TENM2: variants seen among roughly 807,000 people sequenced by gnomAD.
TENM2 encodes teneurin-2.
TENM2 carries 52 observed loss-of-function variants against 245.2 expected under a neutral mutation model. The ratio of observed to expected loss-of-function variants is 0.21; its 90% CI spans 0.17 to 0.27. The LOEUF is 0.27. Ranked by LOEUF, TENM2 falls within the 10% of genes least tolerant of loss-of-function variation. The probability of loss-of-function intolerance (pLI) is 1.00; values close to 1 mark genes in which losing one functional copy is unlikely to be tolerated. For synonymous variants in TENM2, 1,363 were observed against 1,438.9 expected, an observed-to-expected ratio of 0.95 and a Z score of 1.19; for missense variants, 3,046 against 3,666.8, an observed-to-expected ratio of 0.83 and a Z score of 4.37.
At chr5:167,277,732 C>G in the TENM2 span, among the ~76,000 whole-genome samples, 1 of 152,078 alleles carries the variant, frequency 6.6e-6, no homozygotes. Flanking sequence ...TACAATTGTG[C>G]ATTAAAATTT....
the TENM2 span, among the ~76,000 whole-genome samples, chr5:167,053,591 C>G: frequency 2.0e-5 from 3 of 152,084 alleles, no homozygotes; most frequent in African/African-American, 7.2e-5. Flanking sequence ...TCTACTTGGG[C>G]TGGGCAGAGT....
At chr5:167,229,627 C>G in the TENM2 span, among the ~76,000 whole-genome samples, 2 of 152,118 alleles carry the variant, frequency 1.3e-5, no homozygotes, top group African/African-American at 4.8e-5. Context: ...CCTCAGAGCC[C>G]AAGGGAAGTT....
intron 3 of TENM2, among the ~76,000 whole-genome samples, chr5:167,916,862 A>T (rs1159822584): frequency 2.0e-5 from 3 of 152,204 alleles, no homozygotes; most frequent in African/African-American, 7.2e-5. Context: ...TCTGCCCTCC[A>T]CAGAACAGCA....
At chr5:167,207,211 T>C in the TENM2 span, among the ~76,000 whole-genome samples, 21 of 152,288 alleles carry the variant, frequency 1.4e-4, no homozygotes, top group East Asian at 4.1e-3. Flanking sequence ...GACTTCCCCA[T>C]GGACTGGGAA....
intron 1 of TENM2, among the ~76,000 whole-genome samples, chr5:167,348,371 G>A (rs151316197): frequency 8.8e-4 from 134 of 152,196 alleles, no homozygotes; most frequent in African/African-American, 3.1e-3. Flanking sequence ...GAAGTCAAAG[G>A]GCTAATAGAC....
intron 2 of TENM2, among the ~76,000 whole-genome samples, chr5:167,705,217 G>T (rs1758423155): frequency 6.6e-6 from 1 of 152,298 alleles, no homozygotes; most frequent in Middle Eastern, 3.4e-3. Context: ...AAATATGGTT[G>T]TCATGTTCCT....
At chr5:167,143,296 C>T in the TENM2 span, among the ~76,000 whole-genome samples, 1 of 152,210 alleles carries the variant, frequency 6.6e-6, no homozygotes, top group Admixed American at 6.5e-5. Flanking sequence ...CACAGAAACA[C>T]AAATTATGGA....
At chr5:167,168,539 GCTT>G in the TENM2 span, 1 of 152,038 alleles carries the variant, frequency 6.6e-6, no homozygotes, top group Non-Finnish European at 1.5e-5. Context: ...ACTTACTTGT[GCTT>G]CTTCTGCATA....
At chr5:167,976,850 C>T (rs1782477774) in intron 4 of TENM2, among the ~76,000 whole-genome samples, 1 of 152,062 alleles carries the variant, frequency 6.6e-6, no homozygotes, top group African/African-American at 2.4e-5. Context: ...AATTATTCTA[C>T]TGTAAAGATG....
chr5:168,246,274 T>G (rs567614455), intron 26 of TENM2, among the ~76,000 whole-genome samples: 6 of 152,304 alleles, frequency 3.9e-5, no homozygotes, highest in African/African-American at 1.4e-4. Flanking sequence ...TTCTCTTTTT[T>G]AAATTTAATC....
Position 167,363,607 on chromosome 5 carries a change from T to G in TENM2, c.227-11591T>G, listed in dbSNP as rs1581846602. Among the ~76,000 whole-genome samples the G allele has an allele frequency of 2.0e-5, 3 of 151,264 alleles. No homozygotes were observed. In the South Asian group the frequency reaches 6.3e-4, roughly 32 times the overall value. On this transcript the variant is annotated intron_variant, in intron 1 of 28. Transcript: ENST00000518659. ...TTAACTGGGCATGGTGGTGGACGCCTGTAGTCCCAGCTACTCGGGAGGCTG... is the reference window on the plus strand; with the variant it reads ...TTAACTGGGCATGGTGGTGGACGCCGGTAGTCCCAGCTACTCGGGAGGCTG...
chr5:167,577,210 C>T (rs1340796328), intron 2 of TENM2, among the ~76,000 whole-genome samples: 1 of 152,142 alleles, frequency 6.6e-6, no homozygotes, highest in East Asian at 1.9e-4. Flanking sequence ...GATCAATTAA[C>T]TGATTTCAAT....
intron 2 of TENM2, among the ~76,000 whole-genome samples, chr5:167,619,154 T>C (rs1473855020): frequency 6.6e-6 from 1 of 152,116 alleles, no homozygotes; most frequent in Non-Finnish European, 1.5e-5. Flanking sequence ...TGGTTTTTGT[T>C]TTGGTTTTCT....
At chr5:168,062,081 G>A (rs1292128844) in exon 7 of TENM2, 26 of 1,610,108 alleles carry the variant, frequency 1.6e-5, no homozygotes, top group Non-Finnish European at 2.2e-5. Flanking sequence ...TTGAAAAACA[G>A]CAGCATAGAC....
chr5:167,384,279 G>A (rs1055699347), intron 2 of TENM2, among the ~76,000 whole-genome samples: 3 of 152,092 alleles, frequency 2.0e-5, no homozygotes, highest in African/African-American at 7.2e-5. Flanking sequence ...TAGCATACTG[G>A]TACAGTAAGG....
At chr5:167,960,310 C>G (rs1780903061) in intron 4 of TENM2, among the ~76,000 whole-genome samples, 1 of 152,248 alleles carries the variant, frequency 6.6e-6, no homozygotes, top group Non-Finnish European at 1.5e-5. Context: ...CCCCTTCCCC[C>G]AGGTGCTCTG....
At chr5:167,439,729 A>G (rs1764776830) in intron 2 of TENM2, among the ~76,000 whole-genome samples, 2 of 152,204 alleles carry the variant, frequency 1.3e-5, no homozygotes, top group Admixed American at 1.3e-4. Context: ...TATTTACATT[A>G]TCCTTCTTCA....
rs1014512311 is a variant in TENM2, at chr5:167,818,558, G to C, written c.503-57428G>C. 2.6e-5 allele frequency among the ~76,000 whole-genome samples: 4 copies of C among 152,182 alleles called. No individual in the cohort carries two copies. The East Asian group carries it at 7.8e-4, about 30-fold the overall frequency. On this transcript the variant is annotated intron_variant, in intron 2 of 28. Coordinates refer to ENST00000518659, the Ensembl canonical transcript of TENM2. ...AGATGAGGAAACTGAGTCTCAAGGA[G>C]GATGAACAACTTTCCCAAGGCCACG...
chr5:167,299,197 G>A (rs907608617), intron 1 of TENM2, among the ~76,000 whole-genome samples: 12 of 152,262 alleles, frequency 7.9e-5, no homozygotes, highest in South Asian at 6.2e-4. Context: ...AGGTTTCACC[G>A]AATACCAAGA....
Sources: gnomAD v4.1 joint callset for allele counts (sites outside exome capture counted in the v4.1 genomes callset) on GRCh38, gnomAD v4.1.1 for gene constraint, MANE v1.5 for transcripts, NCBI Gene and HGNC (gene_info 2026-07-23, HGNC 2026-07-21) for gene names.